KANK3: variants seen among roughly 807,000 people sequenced by gnomAD.
KANK3 encodes KN motif and ankyrin repeat domains 3.
KANK3 carries 61 observed loss-of-function variants against 65.4 expected under a neutral mutation model. The ratio of observed to expected loss-of-function variants is 0.93; its 90% CI spans 0.76 to 1.15. The LOEUF (loss-of-function observed/expected upper bound fraction) is 1.15. Among genes scored for constraint, KANK3 ranks in the 50% most tolerant of loss-of-function variants. The probability of loss-of-function intolerance (pLI) is 0.00; values close to 1 mark genes in which losing one functional copy is unlikely to be tolerated. For synonymous variants in KANK3, 586 were observed against 543.3 expected, an observed-to-expected ratio of 1.08 and a Z score of -1.09; for missense variants, 1,187 against 1,178.8, an observed-to-expected ratio of 1.01 and a Z score of -0.10.
In KANK3 at chr19:8,337,722, C is replaced by T. The variant is rs1482340715; in HGVS notation, c.34+73G>A. 20 of 1,556,390 alleles carry T rather than the reference C, an allele frequency of 1.3e-5. No individual in the cohort carries two copies. The East Asian group carries it at 4.3e-4, about 33-fold the overall frequency. On this transcript the variant is annotated intron_variant, in intron 2 of 10. Coordinates refer to ENST00000330915, the MANE Select transcript of KANK3 (RefSeq NM_198471.3). ...TGCACTCTAGGGCTGTAGGCTGCGT[C>T]CACACACAAGGGCATCAAGCGTTTC...
chr19:8,324,676 C>T lies in KANK3; in HGVS notation c.2237G>A (p.Arg746Gln), dbSNP rs752265643. The T allele has an allele frequency of 1.9e-5, 30 of 1,613,912 alleles. No individual in the cohort carries two copies. Among genetic ancestry groups the T allele is most frequent in the South Asian group, 3.3e-5 (3 of 91,088 alleles). The change falls in exon 9 of 11, where the codon CGG becomes CAG. Residue 746 changes from arginine to glutamine, a missense_variant. Physicochemically the swap from Arg to Gln is conservative, Grantham distance 43. This residue lies in a region of KANK3 where 1,078 missense variants were observed against 1,038.2 expected (regional missense o/e 1.04). Coordinates refer to ENST00000330915, the MANE Select transcript of KANK3 (RefSeq NM_198471.3). ...ACAGCCTGGCTGGGTGAGCAGCAGC[C>T]GCACGGTGTCCAGGCGCCCATACTC... The part of the protein sequence containing the change: ...ASEYGRLDTV[R>Q]LLLTQPGCDP...
chr19:8,333,876 C>T lies in KANK3; in HGVS notation c.1634+34G>A. 1 of 1,559,326 alleles carries T rather than the reference C, an allele frequency of 6.4e-7. No homozygotes were observed. The highest frequency in any genetic ancestry group is 8.7e-7 in the Non-Finnish European group (1 of 1,153,630). ...GCGCCGACCAGGAGGAGGGCAGCCG[C>T]CTCCTCTCCAAACAACTAGCGAGCG... On this transcript the variant is annotated intron_variant, in intron 5 of 10. Coordinates refer to ENST00000330915, the MANE Select transcript of KANK3 (RefSeq NM_198471.3). This position sits in a 1 kb window ranked among gnomAD's most constrained non-coding sequence, Gnocchi z 5.0.
chr19:8,335,024 CG>C lies in KANK3; in HGVS notation c.802del (p.Arg268GlyfsTer73). 3 of 1,437,042 alleles carry C rather than the reference CG, an allele frequency of 2.1e-6. No homozygotes were observed. Among genetic ancestry groups the C allele is most frequent in the Non-Finnish European group, 1.8e-6 (2 of 1,104,172 alleles). 89.0% of individuals were successfully genotyped at this position (1,437,042 alleles called of 1,614,324 possible). Reference sequence around the variant, plus strand: ...AGCCAGGCCGTCTGGGCTGTCAGCCCGGGGGCTGGCCCTGGCACGGCCGCCG... The same window carrying C: ...AGCCAGGCCGTCTGGGCTGTCAGCCCGGGGCTGGCCCTGGCACGGCCGCCG... ...ERGGRARASP[R>X]ADSPDGLAAG... On this transcript the variant is annotated frameshift_variant, in exon 3 of 11. Coordinates refer to ENST00000330915, the MANE Select transcript of KANK3 (RefSeq NM_198471.3). LOFTEE classifies it high-confidence loss of function.
chr19:8,337,954 C>CGGCG, intron 1 of KANK3, 98 bp from the exon 2 acceptor site: 3 of 1,525,514 alleles, frequency 2.0e-6, no homozygotes, highest in Non-Finnish European at 2.6e-6. Context: ...AAGAGCTCTC[C>CGGCG]TCCACCCAGC....
chr19:8,333,298 G>A lies in KANK3; in HGVS notation c.1720-68C>T, dbSNP rs531910336. On this transcript the variant is annotated intron_variant, in intron 6 of 10. Coordinates refer to ENST00000330915, the MANE Select transcript of KANK3 (RefSeq NM_198471.3). This position sits in a 1 kb window ranked among gnomAD's most constrained non-coding sequence, Gnocchi z 5.0. ...GGCGGCGCCGTGGTGGGGGAGCTGGGGAGGGGCGGGACTGGGAAGAGACCC... is the reference window on the plus strand; with the variant it reads ...GGCGGCGCCGTGGTGGGGGAGCTGGAGAGGGGCGGGACTGGGAAGAGACCC... The A allele has an allele frequency of 1.1e-5, 15 of 1,321,186 alleles. No homozygotes were observed. Among genetic ancestry groups the A allele is most frequent in the African/African-American group, 4.3e-5 (3 of 69,308 alleles). 81.8% of individuals were successfully genotyped at this position (1,321,186 alleles called of 1,614,324 possible). A position where few individuals can be genotyped will look rare whatever the true frequency, so the allele number is the denominator to read the frequency against.
intron 7 of KANK3, among the ~76,000 whole-genome samples, chr19:8,328,492 G>C (rs562030747): frequency 1.3e-5 from 2 of 151,576 alleles, no homozygotes; most frequent in Non-Finnish European, 2.9e-5. Context: ...AACACTTGAC[G>C]GTTTGCTGTG....
Position 8,335,296 on chromosome 19 carries a change from C to A in KANK3, c.531G>T (p.Ser177=). 2 of 1,207,726 alleles carry A rather than the reference C, an allele frequency of 1.7e-6. No individual in the cohort carries two copies. 74.8% of individuals were successfully genotyped at this position (1,207,726 alleles called of 1,614,324 possible). ...SSPAPNLAPA[S]PGPAQLQLVR... is the part of the protein sequence containing the mutation. Reference sequence around the variant, plus strand: ...CCAGCTGCAGTTGGGCAGGGCCGGGCGAAGCAGGGGCAAGGTTAGGGGCGG... The same window carrying A: ...CCAGCTGCAGTTGGGCAGGGCCGGGAGAAGCAGGGGCAAGGTTAGGGGCGG... Residue 177 remains serine, a synonymous_variant, in exon 3 of 11, where the codon TCG becomes TCT. Transcript: ENST00000330915.
At position 8,324,961 on chromosome 19, in the gene KANK3, T is replaced by C; in HGVS notation, c.2072A>G (p.Lys691Arg). The part of the protein sequence containing the change: ...RLFCMGDVNA[K>R]ASQTGQTALM... Reference sequence around the variant, plus strand: ...GGGGCGCCCACGCACCTGACTGGCCTTGGCATTGACATCACCCATGCAGAA... The same window carrying C: ...GGGGCGCCCACGCACCTGACTGGCCCTGGCATTGACATCACCCATGCAGAA... Residue 691 changes from lysine (K) to arginine (R), a missense_variant, in exon 8 of 11, where the codon AAG (lysine) becomes AGG (arginine). By Grantham distance (26) the Lys-to-Arg change is conservative. Around this residue, in one of 3 missense-constraint regions of KANK3, gnomAD observed 1,078 missense variants for 1,038.2 expected, o/e 1.04. Coordinates refer to ENST00000330915, the MANE Select transcript of KANK3 (RefSeq NM_198471.3). 3.1e-6 allele frequency: 5 copies of C among 1,613,710 alleles called. No individual in the cohort carries two copies. Among genetic ancestry groups the C allele is most frequent in the Non-Finnish European group, 4.2e-6 (5 of 1,179,848 alleles).
Position 8,322,652 on chromosome 19 carries a change from C to T in KANK3, c.*187G>A. 1.7e-6 allele frequency: 1 copy of T among 599,170 alleles called. No individual in the cohort carries two copies. The highest frequency in any genetic ancestry group is 3.0e-6 in the Non-Finnish European group (1 of 336,982). 37.1% of individuals were successfully genotyped at this position (599,170 alleles called of 1,614,324 possible). A position where few individuals can be genotyped will look rare whatever the true frequency, so the allele number is the denominator to read the frequency against. On this transcript the variant is annotated 3_prime_UTR_variant, in exon 11 of 11. Coordinates refer to ENST00000330915, the MANE Select transcript of KANK3 (RefSeq NM_198471.3). ...GGATCAGGGCTCTATCACTTGGTCCCCACCTCACCTTGGTGGGGCCAGAGT... is the reference window on the plus strand; with the variant it reads ...GGATCAGGGCTCTATCACTTGGTCCTCACCTCACCTTGGTGGGGCCAGAGT...
At chr19:8,338,758 C>T (rs1599653699) in intron 1 of KANK3, among the ~76,000 whole-genome samples, 2 of 151,404 alleles carry the variant, frequency 1.3e-5, no homozygotes, top group South Asian at 4.2e-4. Context: ...GCCTGTAGTC[C>T]CAGCTACTCG....
At chr19:8,329,927 AC>A (rs1392482136) in intron 7 of KANK3, among the ~76,000 whole-genome samples, 1 of 152,190 alleles carries the variant, frequency 6.6e-6, no homozygotes, top group African/African-American at 2.4e-5. Context: ...TGAAGGGGTA[AC>A]CAGTGCACAG....
intron 10 of KANK3, among the ~76,000 whole-genome samples, 185 bp downstream of exon 10, chr19:8,324,264 G>A (rs891214631): frequency 1.3e-5 from 2 of 152,182 alleles, no homozygotes; most frequent in East Asian, 1.9e-4. Context: ...ACCCCAACCC[G>A]GGTTACAGAG....
chr19:8,335,518 C>G lies in KANK3; in HGVS notation c.309G>C (p.Pro103=). ...ESLASDDGGA[P]GILSQGAPSG... ...AGGGCGCGCCCTGGGAGAGTATGCC[C>G]GGTGCTCCACCGTCGTCACTGGCCA... is the stretch of plus-strand genomic sequence containing the variant. The change falls in exon 3 of 11, where the codon CCG becomes CCC. Residue 103 remains proline (P), a synonymous_variant. Coordinates refer to ENST00000330915, the MANE Select transcript of KANK3 (RefSeq NM_198471.3). The G allele has an allele frequency of 8.1e-7, 1 of 1,228,478 alleles. No individual in the cohort carries two copies. The highest frequency in any genetic ancestry group is 1.0e-6 in the Non-Finnish European group (1 of 978,372). The allele number at this position is 1,228,478 out of a possible 1,614,324, so 76.1% of individuals were successfully genotyped here.
chr19:8,341,639 C>T (rs2913965), intron 1 of KANK3, among the ~76,000 whole-genome samples: 5 of 152,096 alleles, frequency 3.3e-5, no homozygotes, highest in African/African-American at 9.6e-5. Flanking sequence ...TCAAACCAGG[C>T]GTGAGCCGTG....
At chr19:8,330,377 T>G (rs1599644819) in intron 7 of KANK3, among the ~76,000 whole-genome samples, 1 of 152,076 alleles carries the variant, frequency 6.6e-6, no homozygotes, top group African/African-American at 2.4e-5. Context: ...GGAGGATCAC[T>G]TGAGGTCAGG....
chr19:8,331,874 C>T (rs2913953), intron 7 of KANK3, among the ~76,000 whole-genome samples: 24,250 of 152,034 alleles, frequency 0.16, 2,200 homozygotes, highest in Non-Finnish European at 0.21. Context: ...TTAAATAATG[C>T]CCCTAAACTG....
Position 8,335,057 on chromosome 19 carries a change from G to T in KANK3, c.770C>A (p.Ser257Tyr). 7.4e-7 allele frequency: 1 copy of T among 1,343,440 alleles called. No individual in the cohort carries two copies. Among genetic ancestry groups the T allele is most frequent in the African/African-American group, 1.5e-5 (1 of 64,934 alleles). 83.2% of individuals were successfully genotyped at this position (1,343,440 alleles called of 1,614,324 possible). ...LRRLTERLAT[S>Y]ERGGRARASP... ...GGCCCTGGCACGGCCGCCGCGCTCG[G>T]AGGTGGCCAGGCGCTCGGTGAGCCG... The change falls in exon 3 of 11, where the codon TCC (serine) becomes TAC (tyrosine). Residue 257 changes from serine (S) to tyrosine (Y), a missense_variant. Physicochemically the swap from Ser to Tyr is moderately radical, Grantham distance 144. This residue lies in a region of KANK3 where 1,078 missense variants were observed against 1,038.2 expected (regional missense o/e 1.04). Transcript: ENST00000330915.
chr19:8,339,191 G>A (rs112241516), intron 1 of KANK3, among the ~76,000 whole-genome samples: 2,633 of 152,058 alleles, frequency 0.017, 80 homozygotes, highest in African/African-American at 0.061. Context: ...AGGAAGATTG[G>A]GCCACATATA....
At chr19:8,326,761 C>T (rs1970436471) in intron 7 of KANK3, among the ~76,000 whole-genome samples, 1 of 150,538 alleles carries the variant, frequency 6.6e-6, no homozygotes, top group Non-Finnish European at 1.5e-5. Flanking sequence ...TGCGCCACTG[C>T]ACTCCAGCCT....
Sources: gnomAD v4.1 joint callset for allele counts (sites outside exome capture counted in the v4.1 genomes callset) on GRCh38, gnomAD v4.1.1 for gene constraint, gnomAD v4.1.1 regional missense constraint, Gnocchi (gnomAD v3.1) non-coding constraint, MANE v1.5 for transcripts, NCBI Gene and HGNC (gene_info 2026-07-23, HGNC 2026-07-21) for gene names.